TMEM108: variants seen among roughly 807,000 people sequenced by gnomAD.
TMEM108 encodes the protein cancer/testis antigen 124.
TMEM108 carries 12 observed loss-of-function variants against 35.1 expected under a neutral mutation model. The observed-to-expected ratio is 0.34, with a 90% CI of 0.22 to 0.55. The LOEUF (loss-of-function observed/expected upper bound fraction) is 0.55, where lower values mean the gene tolerates loss of function less well. Among genes scored for constraint, TMEM108 ranks in the 20% least tolerant of loss-of-function variants. The pLI is 0.89. For missense variants in TMEM108, 680 were observed against 753.3 expected, an observed-to-expected ratio of 0.90 and a Z score of 1.14; for synonymous variants, 287 against 308.6, an observed-to-expected ratio of 0.93 and a Z score of 0.73.
chr3:133,192,798 G>A (rs9853271), intron 2 of TMEM108: 36,036 of 152,290 alleles, frequency 0.24, 4,579 homozygotes, highest in Middle Eastern at 0.37. Flanking sequence ...GCTTCATGAG[G>A]AAGGAGAATG....
chr3:133,185,784 C>CTTTTCTTTTTTTTTTTTTTTTTTTT (rs1441056931), intron 2 of TMEM108, among the ~76,000 whole-genome samples: 3 of 127,092 alleles, frequency 2.4e-5, no homozygotes, highest in South Asian at 2.8e-4. Flanking sequence ...CTTTTCTTTT[C>CTTTTCTTTTTTTTTTTTTTTTTTTT]TTTTTTTTTT....
At chr3:133,118,491 C>T (rs1022389282) in intron 2 of TMEM108, among the ~76,000 whole-genome samples, 10 of 152,162 alleles carry the variant, frequency 6.6e-5, no homozygotes, top group Non-Finnish European at 1.3e-4. Context: ...TTGCAAAATA[C>T]TCTTCAGTTG....
intron 3 of TMEM108, among the ~76,000 whole-genome samples, chr3:133,365,660 C>G (rs1478582840): frequency 6.6e-6 from 1 of 152,212 alleles, no homozygotes; most frequent in East Asian, 1.9e-4. Context: ...CTCCCCACTT[C>G]CAAGCTTAGC....
intron 2 of TMEM108, among the ~76,000 whole-genome samples, chr3:133,069,797 T>C (rs1040718176): frequency 6.6e-6 from 1 of 152,174 alleles, no homozygotes; most frequent in Non-Finnish European, 1.5e-5. Context: ...AAAGTCCCGC[T>C]GTATAATTGA....
At chr3:133,241,729 G>C (rs1449529885) in intron 3 of TMEM108, among the ~76,000 whole-genome samples, 2 of 149,270 alleles carry the variant, frequency 1.3e-5, no homozygotes, top group East Asian at 4.0e-4. Context: ...GATTCTCCTG[G>C]TCAGCCTCCC....
chr3:133,045,144 T>A (rs1943320506), intron 1 of TMEM108, among the ~76,000 whole-genome samples: 1 of 151,944 alleles, frequency 6.6e-6, no homozygotes, highest in Admixed American at 6.6e-5. Context: ...ATTTTTTGTA[T>A]TTTTTAATAG....
intron 2 of TMEM108, among the ~76,000 whole-genome samples, chr3:133,157,345 A>C (rs1029133991): frequency 1.3e-5 from 2 of 152,234 alleles, no homozygotes; most frequent in African/African-American, 4.8e-5. Flanking sequence ...GTTACTGGTC[A>C]AGACAAAGTT....
chr3:133,074,813 T>G (rs928377027), intron 2 of TMEM108, among the ~76,000 whole-genome samples: 1 of 152,208 alleles, frequency 6.6e-6, no homozygotes, highest in Non-Finnish European at 1.5e-5. Context: ...ATAATAAAGT[T>G]TTTATAAATA....
At chr3:133,304,871 C>A (rs1388788336) in intron 3 of TMEM108, among the ~76,000 whole-genome samples, 1 of 151,920 alleles carries the variant, frequency 6.6e-6, no homozygotes, top group Non-Finnish European at 1.5e-5. Context: ...AATTTGAGGC[C>A]AGGAGTTCAA....
At chr3:133,285,343 A>G (rs1400871936) in intron 3 of TMEM108, among the ~76,000 whole-genome samples, 7 of 152,178 alleles carry the variant, frequency 4.6e-5, no homozygotes, top group African/African-American at 1.7e-4. Context: ...TTTCAAGCTC[A>G]TTTTAAGTGG....
intron 2 of TMEM108, among the ~76,000 whole-genome samples, chr3:133,049,841 A>G (rs1559816166): frequency 6.6e-6 from 1 of 152,054 alleles, no homozygotes; most frequent in Non-Finnish European, 1.5e-5. Flanking sequence ...CACCTCCCCT[A>G]CTTCCAATTT....
intron 4 of TMEM108, among the ~76,000 whole-genome samples, chr3:133,384,866 A>T (rs1004306468): frequency 5.3e-5 from 8 of 152,176 alleles, no homozygotes; most frequent in African/African-American, 1.9e-4. Context: ...TTGGAGGGTG[A>T]GATTAGAAAA....
intron 3 of TMEM108, among the ~76,000 whole-genome samples, chr3:133,345,339 A>C (rs2071784225): frequency 6.6e-6 from 1 of 151,896 alleles, no homozygotes; most frequent in South Asian, 2.1e-4. Flanking sequence ...TCAAAATATT[A>C]CAGAAAAATT....
chr3:133,236,144 T>G (rs1305557560), intron 3 of TMEM108, among the ~76,000 whole-genome samples: 1 of 152,152 alleles, frequency 6.6e-6, no homozygotes, highest in Non-Finnish European at 1.5e-5. Flanking sequence ...GTTTTGTAAC[T>G]TCAGTGTTTG....
At chr3:133,244,040 G>T (rs1463154586) in intron 3 of TMEM108, among the ~76,000 whole-genome samples, 2 of 152,130 alleles carry the variant, frequency 1.3e-5, no homozygotes, top group African/African-American at 4.8e-5. Flanking sequence ...GAGAGTTCTG[G>T]TGAGATTATA....
intron 2 of TMEM108, among the ~76,000 whole-genome samples, chr3:133,223,526 C>T (rs1407205338): frequency 6.6e-6 from 1 of 152,084 alleles, no homozygotes; most frequent in East Asian, 1.9e-4. Flanking sequence ...GGATTTCATC[C>T]CCCAAATTGT....
At chr3:133,071,886 G>C (rs898580524) in intron 2 of TMEM108, among the ~76,000 whole-genome samples, 2 of 152,112 alleles carry the variant, frequency 1.3e-5, no homozygotes, top group Admixed American at 1.3e-4. Flanking sequence ...CAGTGCTTCT[G>C]ATATCATATC....
chr3:133,102,277 A>AG (rs1450447156), intron 2 of TMEM108, among the ~76,000 whole-genome samples: 3 of 152,178 alleles, frequency 2.0e-5, no homozygotes, highest in African/African-American at 7.2e-5. Context: ...TTGTTAATTT[A>AG]GGAGCTGGTT....
intron 3 of TMEM108, among the ~76,000 whole-genome samples, chr3:133,317,869 A>G (rs75193391): frequency 0.017 from 2,568 of 152,330 alleles, 71 homozygotes; most frequent in African/African-American, 0.057. Context: ...AATGTATAGT[A>G]TGTTAGATAG....
Sources: allele counts gnomAD v4.1 joint callset (sites outside exome capture counted in the v4.1 genomes callset), GRCh38; gene constraint gnomAD v4.1.1; transcripts MANE v1.5; gene names NCBI Gene and HGNC (gene_info 2026-07-23, HGNC 2026-07-21).